The following PLXNA2 variants were observed in gnomAD, a reference collection of about 807,000 sequenced individuals.
PLXNA2 encodes the protein plexin-A2.
A neutral mutation model predicts 193.5 loss-of-function variants in PLXNA2; 91 were observed. That is an observed-to-expected ratio of 0.47 (90% CI 0.40 to 0.56). The LOEUF is 0.56. Among genes scored for constraint, PLXNA2 ranks in the 20% least tolerant of loss-of-function variants. The probability of loss-of-function intolerance (pLI) is 0.00; values close to 1 mark genes in which losing one functional copy is unlikely to be tolerated. For missense variants in PLXNA2, 1,995 were observed against 2,503.2 expected, an observed-to-expected ratio of 0.80 and a Z score of 4.33; for synonymous variants, 997 against 1,027.3, an observed-to-expected ratio of 0.97 and a Z score of 0.56.
intron 3 of PLXNA2, among the ~76,000 whole-genome samples, chr1:208,159,993 A>G (rs1408340243): frequency 1.3e-5 from 2 of 152,084 alleles, no homozygotes; most frequent in African/African-American, 4.8e-5. Flanking sequence ...CAGGCCATGG[A>G]TGGATTCCAG....
At position 208,127,208 on chromosome 1, in the gene PLXNA2, A is replaced by AT. The variant is rs201176576; in HGVS notation, c.1506+15120dup. Among the ~76,000 whole-genome samples the AT allele has an allele frequency of 7.4e-3, 1,133 of 152,346 alleles. 13 individuals are homozygous for AT. The highest frequency in any genetic ancestry group is 0.026 in the African/African-American group (1,070 of 41,582). ...CTGAAGAAAATGGAGTGAGAAAGCC[A>AT]TACTCTACCTTGGATGATTGTTTTT... is the stretch of plus-strand genomic sequence containing the variant. On this transcript the variant is annotated intron_variant, in intron 4 of 31. Transcript: ENST00000367033.
At chr1:208,134,346 G>C (rs980052587) in intron 4 of PLXNA2, among the ~76,000 whole-genome samples, 14 of 152,126 alleles carry the variant, frequency 9.2e-5, no homozygotes, top group Non-Finnish European at 1.3e-4. Context: ...TCAAAACCCG[G>C]GTTTGAGGTG....
At chr1:208,171,651 C>G (rs1413428218) in intron 3 of PLXNA2, among the ~76,000 whole-genome samples, 1 of 152,136 alleles carries the variant, frequency 6.6e-6, no homozygotes. Context: ...GAGTTTGACA[C>G]CAGTCTGGGT....
rs555068498 is a variant in PLXNA2 at position 208,022,383 on chromosome 1, A to T, written c.*4860T>A. 1 of 152,210 alleles carries T rather than the reference A, an allele frequency of 6.6e-6. No individual in the cohort carries two copies. The highest frequency in any genetic ancestry group is 2.1e-4 in the South Asian group (1 of 4,762). 9.4% of individuals were successfully genotyped at this position (152,210 alleles called of 1,614,324 possible). On this transcript the variant is annotated 3_prime_UTR_variant, in exon 32 of 32. Transcript: ENST00000367033. ...CAATAATATATTAGAATAACAAAAA[A>T]CCCCACTTTATTGGAACATTTTAAA... is the stretch of plus-strand genomic sequence containing the variant.
chr1:208,241,882 G>GA (rs1672064341), intron 1 of PLXNA2, among the ~76,000 whole-genome samples: 1 of 151,138 alleles, frequency 6.6e-6, no homozygotes, highest in Admixed American at 6.6e-5. Context: ...GAAGGGGAAT[G>GA]AAAAACAACC....
At position 208,103,154 on chromosome 1, in the gene PLXNA2, G is replaced by A; in HGVS notation, c.1600C>T (p.His534Tyr). 6.2e-7 allele frequency: 1 copy of A among 1,612,718 alleles called. No individual in the cohort carries two copies. Among genetic ancestry groups the A allele is most frequent in the Non-Finnish European group, 8.5e-7 (1 of 1,178,818 alleles). ...AGTATACCCCAAACTTACATGTTGT[G>A]CAGGGCACACCAGCCACAGTGAGGG... ...GDPHCGWCAL[H>Y]NMCSRRDKCQ... Residue 534 changes from histidine (H) to tyrosine (Y), a missense_variant, in exon 5 of 32, where the codon CAC (histidine) becomes TAC (tyrosine). His to Tyr is a moderately conservative substitution (Grantham distance 83). This residue lies in a region of PLXNA2 where 702 missense variants were observed against 812.9 expected (regional missense o/e 0.86). Coordinates refer to ENST00000367033, the MANE Select transcript of PLXNA2 (RefSeq NM_025179.4).
chr1:208,207,284 G>C (rs963200086), intron 3 of PLXNA2, among the ~76,000 whole-genome samples: 1 of 152,224 alleles, frequency 6.6e-6, no homozygotes, highest in Non-Finnish European at 1.5e-5. Context: ...GGGATTATAG[G>C]CATGAGCCAC....
chr1:208,065,436 C>T (rs1665760208), intron 12 of PLXNA2, among the ~76,000 whole-genome samples: 1 of 152,192 alleles, frequency 6.6e-6, no homozygotes, highest in African/African-American at 2.4e-5. Flanking sequence ...GCTTGCCTCA[C>T]AGGGATGATG....
rs34413554 is a variant in PLXNA2, at chr1:208,209,983, A to AATTTTT, written c.1371+296_1371+297insAAAAAT. The AATTTTT allele has an allele frequency of 8.4e-3, 736 of 87,870 alleles. 98 individuals are homozygous for AATTTTT. The highest frequency in any genetic ancestry group is 0.019 in the African/African-American group (391 of 20,892). 5.4% of individuals were successfully genotyped at this position (87,870 alleles called of 1,614,324 possible). A position where few individuals can be genotyped will look rare whatever the true frequency, so the allele number is the denominator to read the frequency against. ...TTGCTTGATTTGGGAATGAAGAGCAATTTTTTTTTTTTTTTTTTTTTGCTT... is the reference window on the plus strand; with the variant it reads ...TTGCTTGATTTGGGAATGAAGAGCAAATTTTTTTTTTTTTTTTTTTTTTTTTTGCTT... On this transcript the variant is annotated intron_variant, in intron 3 of 31. Transcript: ENST00000367033.
chr1:208,039,526 T>C (rs1664790971), intron 24 of PLXNA2, 95 bp downstream of exon 24: 13 of 1,534,762 alleles, frequency 8.5e-6, no homozygotes, highest in Non-Finnish European at 8.9e-6. Flanking sequence ...CCATCCTCTT[T>C]ATTGACCCCC....
chr1:208,064,121 A>G (rs1322603433), intron 12 of PLXNA2, among the ~76,000 whole-genome samples: 1 of 152,024 alleles, frequency 6.6e-6, no homozygotes, highest in East Asian at 1.9e-4. Context: ...TCTCCCATCT[A>G]CCACAAATAA....
intron 6 of PLXNA2, among the ~76,000 whole-genome samples, chr1:208,098,125 A>G (rs879490237): frequency 6.6e-6 from 1 of 152,010 alleles, no homozygotes; most frequent in African/African-American, 2.4e-5. Context: ...TCTCTGCCCC[A>G]GTTTCGTTTC....
At chr1:208,117,495 G>A (rs986833371) in intron 4 of PLXNA2, among the ~76,000 whole-genome samples, 7 of 152,208 alleles carry the variant, frequency 4.6e-5, no homozygotes, top group Non-Finnish European at 1.0e-4. Context: ...AAGACCCCCT[G>A]GAGGTGGTGC....
intron 6 of PLXNA2, 103 bp from the exon 7 acceptor site, chr1:208,096,986 C>T (rs553236750): frequency 1.5e-5 from 15 of 980,044 alleles, no homozygotes; most frequent in Admixed American, 2.7e-5. Context: ...TCTCCCCTGA[C>T]CTCATCTATA....
At chr1:208,052,237 G>T in intron 15 of PLXNA2, 90 bp downstream of exon 15, 1 of 1,316,140 alleles carries the variant, frequency 7.6e-7, no homozygotes, top group Non-Finnish European at 1.1e-6. Flanking sequence ...AGGTGATGGG[G>T]CAGGCCTATG....
intron 12 of PLXNA2, among the ~76,000 whole-genome samples, chr1:208,066,762 C>A (rs920726428): frequency 6.6e-6 from 1 of 152,166 alleles, no homozygotes; most frequent in Non-Finnish European, 1.5e-5. Context: ...TCTATGCATG[C>A]TATTGCCCCT....
intron 10 of PLXNA2, among the ~76,000 whole-genome samples, chr1:208,083,147 C>G (rs975331849): frequency 3.3e-5 from 5 of 152,164 alleles, no homozygotes; most frequent in African/African-American, 1.2e-4. Flanking sequence ...TTACTTTAGC[C>G]AATGGTCCAC....
intron 3 of PLXNA2, among the ~76,000 whole-genome samples, chr1:208,147,511 C>T (rs1668636902): frequency 6.6e-6 from 1 of 152,230 alleles, no homozygotes; most frequent in Admixed American, 6.5e-5. Flanking sequence ...CTGAAAGGTT[C>T]TGTTCACCTA....
At chr1:208,203,304 C>A (rs982193675) in intron 3 of PLXNA2, among the ~76,000 whole-genome samples, 2 of 152,170 alleles carry the variant, frequency 1.3e-5, no homozygotes, top group Non-Finnish European at 2.9e-5. Context: ...CACCACCCCA[C>A]CCCTTCCATG....
Sources: gnomAD v4.1 joint callset for allele counts (sites outside exome capture counted in the v4.1 genomes callset) on GRCh38, gnomAD v4.1.1 for gene constraint, gnomAD v4.1.1 regional missense constraint, MANE v1.5 for transcripts, NCBI Gene and HGNC (gene_info 2026-07-23, HGNC 2026-07-21) for gene names.